TSPAN9: variants seen among roughly 807,000 people sequenced by gnomAD.
The protein encoded by TSPAN9 is tetraspanin 9.
Under a neutral mutation model 31.0 loss-of-function variants are expected in TSPAN9, and 16 were observed. The ratio of observed to expected loss-of-function variants is 0.52; its 90% confidence interval spans 0.35 to 0.78. TSPAN9 has a LOEUF of 0.78. Ranked by LOEUF, TSPAN9 falls within the 30% of genes least tolerant of loss-of-function variation. TSPAN9 has a pLI of 0.01. For missense variants in TSPAN9, 272 were observed against 312.5 expected, an observed-to-expected ratio of 0.87 and a Z score of 0.98; for synonymous variants, 145 against 121.6, an observed-to-expected ratio of 1.19 and a Z score of -1.27.
At chr12:3,266,179 T>C (rs892007457) in intron 3 of TSPAN9, among the ~76,000 whole-genome samples, 3 of 152,210 alleles carry the variant, frequency 2.0e-5, no homozygotes, top group Non-Finnish European at 4.4e-5. Context: ...GTGACACTCT[T>C]TCTGGCTTTC....
intron 2 of TSPAN9, among the ~76,000 whole-genome samples, chr12:3,097,712 C>T (rs541170208): frequency 6.6e-6 from 1 of 152,364 alleles, no homozygotes; most frequent in African/African-American, 2.4e-5. Flanking sequence ...GCAATCCATG[C>T]CTCTGGGGGA....
At chr12:3,241,758 T>C (rs1383500509) in intron 3 of TSPAN9, among the ~76,000 whole-genome samples, 1 of 152,198 alleles carries the variant, frequency 6.6e-6, no homozygotes, top group African/African-American at 2.4e-5. Flanking sequence ...CCAGTGGGGC[T>C]GGGGAGGCGG....
In TSPAN9 at chr12:3,174,033, C is replaced by T. The variant is rs117231930; in HGVS notation, c.-17-27144C>T. 4 of 152,352 alleles carry T rather than the reference C, an allele frequency of 2.6e-5. No homozygotes were observed. The East Asian group carries it at 7.7e-4, about 29-fold the overall frequency. 9.4% of individuals were successfully genotyped at this position (152,352 alleles called of 1,614,324 possible). ...TTGTGTTCTGACCTTGCTAGATGACCCTGAATAAATTCATTTATCCTCCAA... is the reference window on the plus strand; with the variant it reads ...TTGTGTTCTGACCTTGCTAGATGACTCTGAATAAATTCATTTATCCTCCAA... On this transcript the variant is annotated intron_variant, in intron 2 of 8. Coordinates refer to ENST00000011898, the MANE Select transcript of TSPAN9 (RefSeq NM_006675.5).
intron 3 of TSPAN9, among the ~76,000 whole-genome samples, chr12:3,252,176 C>T (rs937012295): frequency 6.6e-6 from 1 of 152,202 alleles, no homozygotes; most frequent in Admixed American, 6.5e-5. Flanking sequence ...TGCCGTGTCC[C>T]TCAAGTTCTC....
chr12:3,138,105 G>A (rs1046302549), intron 2 of TSPAN9, among the ~76,000 whole-genome samples: 2 of 152,224 alleles, frequency 1.3e-5, no homozygotes, highest in African/African-American at 2.4e-5. Flanking sequence ...CATGGGTGGT[G>A]AGGGGGCAGT....
chr12:3,210,677 C>T (rs1170395966), intron 3 of TSPAN9, among the ~76,000 whole-genome samples: 2 of 150,424 alleles, frequency 1.3e-5, no homozygotes, highest in East Asian at 3.9e-4. Context: ...AATTTTCAGC[C>T]TCTTCTTTGT....
rs1312416724 is a variant in TSPAN9, at chr12:3,226,514, G to A, written c.63+25258G>A. Among the ~76,000 whole-genome samples the A allele has an allele frequency of 6.0e-5, 9 of 150,988 alleles. No homozygotes were observed. In the South Asian group the frequency reaches 1.3e-3, roughly 21 times the overall value. On this transcript the variant is annotated intron_variant, in intron 3 of 8. Coordinates refer to ENST00000011898, the MANE Select transcript of TSPAN9 (RefSeq NM_006675.5). ...ACTGCTGATTTCTTAGGGATGGAGG[G>A]TCCTAAGCCTCTGTAGGTGTGCTTG...
At chr12:3,218,633 G>A (rs913729609) in intron 3 of TSPAN9, among the ~76,000 whole-genome samples, 1 of 152,134 alleles carries the variant, frequency 6.6e-6, no homozygotes, top group Non-Finnish European at 1.5e-5. Context: ...GAGGAGGAGA[G>A]GAAAAACGCA....
chr12:3,087,095 A>G (rs1309401239), intron 2 of TSPAN9, among the ~76,000 whole-genome samples: 1 of 152,192 alleles, frequency 6.6e-6, no homozygotes. Flanking sequence ...AGCCATGCAC[A>G]TGTGTGGGTG....
At chr12:3,206,268 C>T (rs2098375115) in intron 3 of TSPAN9, 4 of 455,074 alleles carry the variant, frequency 8.8e-6, no homozygotes, top group East Asian at 7.0e-5. Context: ...TGAATGCCCA[C>T]TCTGTGCACA....
At chr12:3,139,952 G>A (rs916148320) in intron 2 of TSPAN9, among the ~76,000 whole-genome samples, 2 of 152,226 alleles carry the variant, frequency 1.3e-5, no homozygotes, top group African/African-American at 4.8e-5. Context: ...CAGGAGCATG[G>A]CAACCATCAG....
chr12:3,231,383 C>CA, intron 3 of TSPAN9, among the ~76,000 whole-genome samples: 1 of 152,322 alleles, frequency 6.6e-6, no homozygotes, highest in Middle Eastern at 3.4e-3. Context: ...CTGAAGACAT[C>CA]AAACATGCTC....
chr12:3,105,113 G>A (rs779735415), intron 2 of TSPAN9, among the ~76,000 whole-genome samples: 9 of 152,224 alleles, frequency 5.9e-5, no homozygotes, highest in East Asian at 3.9e-4. Context: ...CCCCGTCTGC[G>A]CACAGCAGCC....
At chr12:3,188,835 A>G (rs946560246) in intron 2 of TSPAN9, among the ~76,000 whole-genome samples, 2 of 152,054 alleles carry the variant, frequency 1.3e-5, no homozygotes, top group African/African-American at 4.8e-5. Context: ...TACCTCCCAG[A>G]TAGGCCGAGG....
Position 3,230,621 on chromosome 12 carries a change from A to G in TSPAN9, c.63+29365A>G, listed in dbSNP as rs1484760458. The stretch of plus-strand genomic sequence containing the variant: ...GTGGTCTTCTAAAGTGGGGGTGGCA[A>G]GGTTTCCTCAGCCCCTGGAGACCCT... On this transcript the variant is annotated intron_variant, in intron 3 of 8. Coordinates refer to ENST00000011898, the MANE Select transcript of TSPAN9 (RefSeq NM_006675.5). Among the ~76,000 whole-genome samples the G allele has an allele frequency of 3.9e-5, 6 of 152,012 alleles. No individual in the cohort carries two copies. The East Asian group carries it at 9.6e-4, about 24-fold the overall frequency.
intron 2 of TSPAN9, among the ~76,000 whole-genome samples, chr12:3,146,639 C>T (rs766511062): frequency 1.3e-5 from 2 of 152,190 alleles, no homozygotes; most frequent in African/African-American, 4.8e-5. Flanking sequence ...TCTTACTTTT[C>T]TGCTGCCTCC....
intron 2 of TSPAN9, among the ~76,000 whole-genome samples, chr12:3,140,212 G>C (rs963597953): frequency 6.6e-6 from 1 of 152,110 alleles, no homozygotes; most frequent in Admixed American, 6.5e-5. Context: ...ATGCTGTAGC[G>C]GTTGACCTGG....
At chr12:3,245,303 G>T (rs1269050270) in intron 3 of TSPAN9, among the ~76,000 whole-genome samples, 6 of 152,242 alleles carry the variant, frequency 3.9e-5, no homozygotes, top group Admixed American at 3.9e-4. Context: ...TTGGCCAGGG[G>T]TGGTGCCCAG....
At chr12:3,219,838 C>CTA (rs1411954928) in intron 3 of TSPAN9, among the ~76,000 whole-genome samples, 1 of 113,600 alleles carries the variant, frequency 8.8e-6, no homozygotes, top group Non-Finnish European at 1.7e-5. Context: ...TGTCCCAGAA[C>CTA]TTAAACTATT....
Sources: allele counts gnomAD v4.1 joint callset (sites outside exome capture counted in the v4.1 genomes callset), GRCh38; gene constraint gnomAD v4.1.1; transcripts MANE v1.5; gene names NCBI Gene and HGNC (gene_info 2026-07-23, HGNC 2026-07-21).